ARX: variants seen among roughly 807,000 people sequenced by gnomAD.
The protein encoded by ARX is homeobox protein ARX.
A neutral mutation model predicts 23.1 loss-of-function variants in ARX; 1 was observed. That is an observed-to-expected ratio of 0.04 (90% CI 0.02 to 0.21). ARX has a LOEUF of 0.21. Ranked by LOEUF, ARX falls within the 10% of genes least tolerant of loss-of-function variation. ARX has a pLI of 1.00. For synonymous variants in ARX, 301 were observed against 270.1 expected (o/e 1.11, Z -1.12); for missense variants, 380 against 527.5 (o/e 0.72, Z 2.74).
chrX:25,004,831 C>T lies in ARX; in HGVS notation c.1528G>A (p.Gly510Ser), dbSNP rs900885863. 1.7e-6 allele frequency: 2 copies of T among 1,175,304 alleles called. No individual in the cohort carries two copies. Among genetic ancestry groups the T allele is most frequent in the African/African-American group, 1.8e-5 (1 of 56,594 alleles). The change falls in exon 5 of 5, where the codon GGC (glycine) becomes AGC (serine). Residue 510 changes from glycine to serine, a missense_variant. By Grantham distance (56) the Gly-to-Ser change is moderately conservative. This residue lies in a region of ARX where 121 missense variants were observed against 169.7 expected (regional missense o/e 0.71). Coordinates refer to ENST00000379044, the MANE Select transcript of ARX (RefSeq NM_139058.3). ...GCCAGGGCGCCCGATGCCACTGCGC[C>T]CTCCACGGCGGGTGTGGGCTGTCTC... The part of the protein sequence containing the change: ...LLRQPTPAVE[G>S]AVASGALADP...
intron 3 of ARX, among the ~76,000 whole-genome samples, chrX:25,009,159 C>G (rs181469090): frequency 9.0e-6 from 1 of 111,709 alleles, no homozygotes; most frequent in Non-Finnish European, 1.9e-5. Context: ...CCCGGCTCAA[C>G]TGCAATTATC....
Position 25,004,738 on chromosome X carries a change from C to T in ARX, c.1621G>A (p.Glu541Lys). ...AGCTGCGTGAGCTGCGCCGCGTGCT[C>T]CTTGGCCTTGAGCCTCAGCGCGGCT... ...SIAALRLKAK[E>K]HAAQLTQLNI... The change falls in exon 5 of 5, where the codon GAG becomes AAG. Residue 541 changes from glutamate to lysine, a missense_variant. Around this residue, in one of 3 missense-constraint regions of ARX, gnomAD observed 121 missense variants for 169.7 expected, o/e 0.71. Coordinates refer to ENST00000379044, the MANE Select transcript of ARX (RefSeq NM_139058.3). 1 of 1,167,192 alleles carries T rather than the reference C, an allele frequency of 8.6e-7. No individual in the cohort carries two copies. Among genetic ancestry groups the T allele is most frequent in the Non-Finnish European group, 1.1e-6 (1 of 873,409 alleles).
Position 25,007,100 on chromosome X carries a change from C to CAT in ARX, c.1448+10_1448+11insAT. On this transcript the variant is annotated intron_variant, in intron 4 of 4. Coordinates refer to ENST00000379044, the MANE Select transcript of ARX (RefSeq NM_139058.3). ...CAGACAGACAGACAGACTTCCGAGG[C>CAT]TGCGCGTTACCTGCCGAATGCCGGG... is the stretch of plus-strand genomic sequence containing the variant. 5.1e-6 allele frequency: 6 copies of CAT among 1,187,188 alleles called. No homozygotes were observed. The highest frequency in any genetic ancestry group is 2.3e-4 in the Middle Eastern group (1 of 4,333).
rs1419161057 is a variant in ARX, at chrX:25,013,683, C to T, written c.312G>A (p.Ala104=). 11 of 852,716 alleles carry T rather than the reference C, an allele frequency of 1.3e-5. No individual in the cohort carries two copies. The highest frequency in any genetic ancestry group is 1.6e-5 in the Non-Finnish European group (11 of 703,876). The allele number at this position is 852,716 out of a possible 1,213,427, so 70.3% of individuals were successfully genotyped here. The part of the protein sequence containing the change: ...GRLLQGAAAA[A]AAAAAAAAAA... The stretch of plus-strand genomic sequence containing the variant: ...CTGCCGCCGCCGCCGCCGCCGCCGC[C>T]GCCGCCGCTGCCGCACCCTGAAGGA... The change falls in exon 2 of 5, where the codon GCG becomes GCA. Residue 104 remains alanine, a synonymous_variant. Coordinates refer to ENST00000379044, the MANE Select transcript of ARX (RefSeq NM_139058.3).
At chrX:25,014,754 A>G (rs2048719463) in intron 1 of ARX, among the ~76,000 whole-genome samples, 1 of 112,442 alleles carries the variant, frequency 8.9e-6, no homozygotes, top group Admixed American at 9.4e-5. Context: ...AAATTGCGCT[A>G]TGGCCGGACC....
intron 3 of ARX, among the ~76,000 whole-genome samples, chrX:25,008,519 A>C (rs1221595786): frequency 8.9e-6 from 1 of 111,971 alleles, no homozygotes; most frequent in African/African-American, 3.3e-5. Context: ...ACCATCATCT[A>C]AAAATAAACC....
chrX:25,006,808 CCTAT>C (rs2048680129), intron 4 of ARX, among the ~76,000 whole-genome samples: 1 of 110,931 alleles, frequency 9.0e-6, no homozygotes, highest in Non-Finnish European at 1.9e-5. Context: ...TCGCTTACCA[CCTAT>C]GGTGGGACTT....
intron 3 of ARX, among the ~76,000 whole-genome samples, chrX:25,008,498 A>C (rs2048688301): frequency 1.8e-5 from 2 of 112,090 alleles, no homozygotes; most frequent in African/African-American, 6.5e-5. Context: ...TTTACCTGAA[A>C]CATGGCAGCT....
At chrX:25,012,771 G>A (rs952320530) in intron 2 of ARX, 151 bp downstream of exon 2, 2 of 1,070,404 alleles carry the variant, frequency 1.9e-6, no homozygotes, top group African/African-American at 3.7e-5. Context: ...GTTTGGGTGA[G>A]CAAGGGTGGG....
chrX:25,004,883 G>C lies in ARX; in HGVS notation c.1476C>G (p.Thr492=), dbSNP rs1266215789. ...GRLFSTMAPL[T]SASTAAALLR... ...GGAGCGCGGCCGCGGTCGACGCGCT[G>C]GTCAGGGGGGCCATTGTGGAAAAGA... is the stretch of plus-strand genomic sequence containing the variant. Residue 492 remains threonine (T), a synonymous_variant, in exon 5 of 5, where the codon ACC becomes ACG. Transcript: ENST00000379044. The C allele has an allele frequency of 8.8e-7, 1 of 1,142,351 alleles. No homozygotes were observed. The highest frequency in any genetic ancestry group is 1.8e-5 in the African/African-American group (1 of 54,187). 94.1% of individuals were successfully genotyped at this position (1,142,351 alleles called of 1,213,427 possible). A position where few individuals can be genotyped will look rare whatever the true frequency, so the allele number is the denominator to read the frequency against.
rs1451584449 is a variant in ARX at position 25,015,534 on chromosome X, A to G, written c.196+8T>C. On this transcript the variant is annotated splice_region_variant and intron_variant, in intron 1 of 4. Coordinates refer to ENST00000379044, the MANE Select transcript of ARX (RefSeq NM_139058.3). ...CCCTTAGTAAGTGCCTGACGGGAGC[A>G]TCCTTACCTTGCACGGCCTTTTCCG... 1.7e-6 allele frequency: 2 copies of G among 1,208,452 alleles called. No homozygotes were observed.
At chrX:25,008,828 C>CA (rs2147321294) in intron 3 of ARX, among the ~76,000 whole-genome samples, 1 of 112,541 alleles carries the variant, frequency 8.9e-6, no homozygotes, top group East Asian at 2.8e-4. Flanking sequence ...GACAGCCCCC[C>CA]AGGGCAAGAA....
rs377608064 is a variant in ARX, at chrX:25,007,492, C to T, written c.1120-53G>A. The stretch of plus-strand genomic sequence containing the variant: ...GCGCGGCTCGGCCCGGCGGGCGCAC[C>T]GGGCCCCTACCCGTCCCTTCCCTTG... On this transcript the variant is annotated intron_variant, in intron 3 of 4. Coordinates refer to ENST00000379044, the MANE Select transcript of ARX (RefSeq NM_139058.3). The T allele has an allele frequency of 7.1e-6, 8 of 1,127,265 alleles. No individual in the cohort carries two copies. The African/African-American group carries it at 1.5e-4, about 21-fold the overall frequency. The allele number at this position is 1,127,265 out of a possible 1,213,427, so 92.9% of individuals were successfully genotyped here.
chrX:25,008,018 T>C (rs1283928108), intron 3 of ARX, among the ~76,000 whole-genome samples: 1 of 112,265 alleles, frequency 8.9e-6, no homozygotes, highest in Non-Finnish European at 1.9e-5. Flanking sequence ...GGCAAAATTC[T>C]TGCTCTGTAT....
Position 25,004,290 on chromosome X carries a change from A to C in ARX, c.*380T>G, listed in dbSNP as rs1046679941. On this transcript the variant is annotated 3_prime_UTR_variant, in exon 5 of 5. Transcript: ENST00000379044. ...AAAAAAAAGAAAGAAAGAAAGAAAGAAAAGAAAGGCTAAGTGGGGTGTCAG... is the reference window on the plus strand; with the variant it reads ...AAAAAAAAGAAAGAAAGAAAGAAAGCAAAGAAAGGCTAAGTGGGGTGTCAG... The C allele has an allele frequency of 1.9e-5, 3 of 156,273 alleles. No individual in the cohort carries two copies. Among genetic ancestry groups the C allele is most frequent in the African/African-American group, 9.5e-5 (3 of 31,653 alleles). The allele number at this position is 156,273 out of a possible 1,213,427, so 12.9% of individuals were successfully genotyped here. A position where few individuals can be genotyped will look rare whatever the true frequency, so the allele number is the denominator to read the frequency against.
chrX:25,004,567 G>A lies in ARX; in HGVS notation c.*103C>T, dbSNP rs982588702. 500 of 1,132,343 alleles carry A rather than the reference G, an allele frequency of 4.4e-4. No individual in the cohort carries two copies. The highest frequency in any genetic ancestry group is 5.2e-4 in the Non-Finnish European group (447 of 852,917). 93.3% of individuals were successfully genotyped at this position (1,132,343 alleles called of 1,213,427 possible). On this transcript the variant is annotated 3_prime_UTR_variant, in exon 5 of 5. Transcript: ENST00000379044. Reference sequence around the variant, plus strand: ...AAGGCGGCTGCGCTCTCTCAGTGCCGTCTCGGGAGTGTGCTGGTCCTCTGT... The same window carrying A: ...AAGGCGGCTGCGCTCTCTCAGTGCCATCTCGGGAGTGTGCTGGTCCTCTGT...
chrX:25,007,545 A>G, intron 3 of ARX, 106 bp from the exon 4 acceptor site: 2 of 977,184 alleles, frequency 2.0e-6, no homozygotes, highest in Non-Finnish European at 2.7e-6. Context: ...CTTCCTTTCC[A>G]CCGCGGCCCG....
At chrX:25,011,005 T>G (rs748430233) in intron 2 of ARX, among the ~76,000 whole-genome samples, 1 of 112,123 alleles carries the variant, frequency 8.9e-6, no homozygotes, top group African/African-American at 3.2e-5. Context: ...GAAGTCAATT[T>G]AACTGAAACC....
intron 4 of ARX, 91 bp from the exon 5 acceptor site, chrX:25,005,001 T>C (rs2147318893): frequency 9.6e-7 from 1 of 1,037,874 alleles, no homozygotes; most frequent in African/African-American, 2.0e-5. Context: ...CCGGGGCAGC[T>C]GAGGGGCGCG....
Sources: allele counts gnomAD v4.1 joint callset (sites outside exome capture counted in the v4.1 genomes callset), GRCh38; gene constraint gnomAD v4.1.1; regional missense constraint gnomAD v4.1.1; transcripts MANE v1.5; gene names NCBI Gene and HGNC (gene_info 2026-07-23, HGNC 2026-07-21).